Variants in SAFB observed in about 807,000 individuals in gnomAD.
SAFB encodes scaffold attachment factor B, also known as scaffold attachment factor B1.
SAFB carries 15 observed loss-of-function variants against 101.6 expected under a neutral mutation model. That is an observed-to-expected ratio of 0.15 (90% CI 0.10 to 0.23). The LOEUF (loss-of-function observed/expected upper bound fraction) is 0.23. Among genes scored for constraint, SAFB ranks in the 10% least tolerant of loss-of-function variants. The probability of loss-of-function intolerance (pLI) is 1.00; values close to 1 mark genes in which losing one functional copy is unlikely to be tolerated. For synonymous variants in SAFB, 449 were observed against 407.5 expected, an observed-to-expected ratio of 1.10 and a Z score of -1.23; for missense variants, 930 against 1,104.1, an observed-to-expected ratio of 0.84 and a Z score of 2.23.
intron 1 of SAFB, chr19:5,624,118 C>T (rs1229350144): frequency 6.6e-6 from 1 of 151,798 alleles, no homozygotes; most frequent in East Asian, 1.9e-4. Flanking sequence ...GCCTGGGCTC[C>T]CCCAGCTCCG....
At chr19:5,637,493 A>C (rs1169950427) in intron 2 of SAFB, among the ~76,000 whole-genome samples, 3 of 151,880 alleles carry the variant, frequency 2.0e-5, no homozygotes. Context: ...CCACTGCTAC[A>C]TAAAATACAA....
intron 14 of SAFB, among the ~76,000 whole-genome samples, chr19:5,658,848 A>C (rs1243926849): frequency 2.0e-5 from 3 of 147,406 alleles, no homozygotes; most frequent in South Asian, 2.2e-4. Context: ...ATCTCAAAAA[A>C]AAAGGGGGGG....
chr19:5,652,774 C>A (rs1023504336), intron 9 of SAFB, among the ~76,000 whole-genome samples: 9 of 151,702 alleles, frequency 5.9e-5, no homozygotes, highest in Admixed American at 1.3e-4. Flanking sequence ...TACATCACTT[C>A]ATAATTTACC....
intron 9 of SAFB, among the ~76,000 whole-genome samples, chr19:5,652,052 G>T (rs2053951161): frequency 6.6e-6 from 1 of 152,140 alleles, no homozygotes; most frequent in Non-Finnish European, 1.5e-5. Context: ...AATTAGCCGG[G>T]CGTGGTGGCG....
intron 4 of SAFB, among the ~76,000 whole-genome samples, chr19:5,644,037 TTTTTG>T (rs758319628): frequency 9.9e-5 from 15 of 152,276 alleles, no homozygotes; most frequent in Non-Finnish European, 1.6e-4. Context: ...ACCTGGGTTG[TTTTTG>T]TTTTGTTTTG....
chr19:5,626,250 A>G (rs926074021), intron 1 of SAFB, among the ~76,000 whole-genome samples, 155 bp from the exon 2 acceptor site: 1 of 146,692 alleles, frequency 6.8e-6, no homozygotes, highest in South Asian at 2.2e-4. Flanking sequence ...GTAGAGCGAG[A>G]TAACAGATGA....
intron 2 of SAFB, among the ~76,000 whole-genome samples, chr19:5,629,387 TGCTTCTACACTCCA>T (rs975561557): frequency 7.2e-5 from 11 of 152,078 alleles, no homozygotes; most frequent in Admixed American, 5.9e-4. Flanking sequence ...GCCATGAGTG[TGCTTCTACACTCCA>T]GCTTGGGCAC....
At chr19:5,645,694 A>G (rs1038136960) in intron 5 of SAFB, among the ~76,000 whole-genome samples, 1 of 152,168 alleles carries the variant, frequency 6.6e-6, no homozygotes, top group Non-Finnish European at 1.5e-5. Context: ...AGGGGAAGGC[A>G]GCCTGTCTCA....
chr19:5,629,994 A>G (rs2053454063), intron 2 of SAFB, among the ~76,000 whole-genome samples: 3 of 152,324 alleles, frequency 2.0e-5, no homozygotes, highest in East Asian at 1.9e-4. Flanking sequence ...TTGAGCCAAG[A>G]TAGTGCCACT....
intron 6 of SAFB, chr19:5,648,308 G>A: frequency 2.1e-6 from 1 of 487,206 alleles, no homozygotes. Flanking sequence ...CAACAGCATT[G>A]AATCATACAT....
At position 5,659,555 on chromosome 19, in the gene SAFB, G is replaced by T. The variant is rs181153683; in HGVS notation, c.1863-1963G>T. ...TGCCATCATGCCCAGCTAATTTTTT[G>T]TATTTTTAGTAGAGACGGGGTTTCA... On this transcript the variant is annotated intron_variant, in intron 14 of 20. Coordinates refer to ENST00000588852, the MANE Select transcript of SAFB (RefSeq NM_001201338.2). Among the ~76,000 whole-genome samples, 359 of 151,958 alleles carry T rather than the reference G, an allele frequency of 2.4e-3. 3 individuals are homozygous for T. Among genetic ancestry groups the T allele is most frequent in the African/African-American group, 7.8e-3 (322 of 41,476 alleles).
chr19:5,626,021 G>T (rs1475587877), intron 1 of SAFB, among the ~76,000 whole-genome samples: 1 of 152,084 alleles, frequency 6.6e-6, no homozygotes, highest in South Asian at 2.1e-4. Flanking sequence ...TTCCCTTTTT[G>T]AGTTCTTCTG....
At chr19:5,629,009 G>A (rs2053430451) in intron 2 of SAFB, among the ~76,000 whole-genome samples, 1 of 152,124 alleles carries the variant, frequency 6.6e-6, no homozygotes. Flanking sequence ...ATAGTTCGCT[G>A]CAGCCTTGAA....
chr19:5,646,383 G>A (rs558341749), intron 5 of SAFB, among the ~76,000 whole-genome samples: 1 of 152,300 alleles, frequency 6.6e-6, no homozygotes, highest in Admixed American at 6.5e-5. Context: ...CTCTCCACCT[G>A]CAAATTGACA....
In SAFB at chr19:5,664,446, C is replaced by T. The variant is rs757549435; in HGVS notation, c.2334+7C>T. 2.4e-5 allele frequency: 39 copies of T among 1,610,258 alleles called. No individual in the cohort carries two copies. The highest frequency in any genetic ancestry group is 3.1e-5 in the Non-Finnish European group (37 of 1,176,582). On this transcript the variant is annotated splice_region_variant and intron_variant, in intron 17 of 20. Coordinates refer to ENST00000588852, the MANE Select transcript of SAFB (RefSeq NM_001201338.2). ...GGGAGAACGAGAAGGACAGGTAAGTCTGAAGCTACAGTGGTAGCCACAGAA... is the reference window on the plus strand; with the variant it reads ...GGGAGAACGAGAAGGACAGGTAAGTTTGAAGCTACAGTGGTAGCCACAGAA...
rs1188293238 is a variant in SAFB at position 5,668,256 on chromosome 19, A to G, written c.2719A>G (p.Arg907Gly). 1.2e-6 allele frequency: 2 copies of G among 1,611,812 alleles called. No homozygotes were observed. Among genetic ancestry groups the G allele is most frequent in the Non-Finnish European group, 8.5e-7 (1 of 1,179,562 alleles). ...GGFGGQSRGSRPSDARFTRRY is the reference protein window; with the variant it reads ...GGFGGQSRGSGPSDARFTRRY Reference sequence around the variant, plus strand: ...GTTTGGAGGCCAGAGCCGGGGGAGCAGGCCCAGCGATGCCCGCTTCACTCG... The same window carrying G: ...GTTTGGAGGCCAGAGCCGGGGGAGCGGGCCCAGCGATGCCCGCTTCACTCG... Residue 907 changes from arginine (R) to glycine (G), a missense_variant, in exon 21 of 21, where the codon AGG (arginine) becomes GGG (glycine). This residue lies in a region of SAFB where 318 missense variants were observed against 342.6 expected (regional missense o/e 0.93). Coordinates refer to ENST00000588852, the MANE Select transcript of SAFB (RefSeq NM_001201338.2).
intron 5 of SAFB, among the ~76,000 whole-genome samples, chr19:5,646,332 A>G (rs568581696): frequency 5.9e-5 from 9 of 152,208 alleles, no homozygotes; most frequent in Non-Finnish European, 1.3e-4. Flanking sequence ...ACAAATCTCA[A>G]GAAAACGTGG....
Position 5,667,181 on chromosome 19 carries a change from C to T in SAFB, c.2453+17C>T, listed in dbSNP as rs201261612. On this transcript the variant is annotated intron_variant, in intron 18 of 20. Transcript: ENST00000588852. The surrounding 1 kb of genome is among the most constrained non-coding windows in gnomAD (Gnocchi z 4.0). ...TCCCCCCAGGTTTGTGTCCCACACC[C>T]GACAGTACCTGACCCCCCCCCCGCC... 6 of 1,454,066 alleles carry T rather than the reference C, an allele frequency of 4.1e-6. No individual in the cohort carries two copies. In the East Asian group the frequency reaches 6.9e-5, roughly 17 times the overall value. 90.1% of individuals were successfully genotyped at this position (1,454,066 alleles called of 1,614,324 possible).
chr19:5,637,098 A>T (rs866246756), intron 2 of SAFB, among the ~76,000 whole-genome samples: 1 of 148,784 alleles, frequency 6.7e-6, no homozygotes, highest in Non-Finnish European at 1.5e-5. Context: ...TAATCCTAGC[A>T]CTTCGGGAGG....
Sources: allele counts gnomAD v4.1 joint callset (sites outside exome capture counted in the v4.1 genomes callset), GRCh38; gene constraint gnomAD v4.1.1; regional missense constraint gnomAD v4.1.1; non-coding constraint Gnocchi (gnomAD v3.1); transcripts MANE v1.5; gene names NCBI Gene and HGNC (gene_info 2026-07-23, HGNC 2026-07-21).